M1AP: variants seen among roughly 807,000 people sequenced by gnomAD.
M1AP encodes the protein meiosis 1 arrest protein.
Under a neutral mutation model 51.2 loss-of-function variants are expected in M1AP, and 39 were observed. That is an observed-to-expected ratio of 0.76 (90% CI 0.59 to 1.00). The LOEUF is 1.00. Among genes scored for constraint, M1AP ranks in the 50% least tolerant of loss-of-function variants. The pLI, the probability that M1AP is intolerant of heterozygous loss-of-function variation, is 0.00. For synonymous variants in M1AP, 251 were observed against 249.2 expected, an observed-to-expected ratio of 1.01 and a Z score of -0.07; for missense variants, 545 against 641.2, an observed-to-expected ratio of 0.85 and a Z score of 1.62.
intron 8 of M1AP, among the ~76,000 whole-genome samples, chr2:74,561,401 G>A (rs1188055341): frequency 2.6e-5 from 4 of 151,964 alleles, no homozygotes; most frequent in Admixed American, 6.6e-5. Flanking sequence ...ATAAATGAGC[G>A]CAAACACAGG....
intron 1 of M1AP, among the ~76,000 whole-genome samples, chr2:74,641,923 G>A (rs1249038968): frequency 6.6e-6 from 1 of 150,790 alleles, no homozygotes; most frequent in African/African-American, 2.4e-5. Context: ...TTGGCTCGCT[G>A]CAACCTCCGC....
Position 74,640,186 on chromosome 2 carries a change from A to C in M1AP, c.90T>G (p.Ala30=), listed in dbSNP as rs780848442. Residue 30 remains alanine, a synonymous_variant, in exon 2 of 11, where the codon GCT becomes GCG. Transcript: ENST00000421985. ...QPPRLLIVHI[A]LPSWADICTN... ...TGCAGATGTCAGCCCAGGACGGTAG[A>C]GCAATGTGCACAATGAGAAGCCGTG... is the stretch of plus-strand genomic sequence containing the variant. 2 of 1,614,140 alleles carry C rather than the reference A, an allele frequency of 1.2e-6. No individual in the cohort carries two copies. Among genetic ancestry groups the C allele is most frequent in the East Asian group, 2.2e-5 (1 of 44,874 alleles).
At chr2:74,569,528 C>T (rs533266523) in intron 7 of M1AP, among the ~76,000 whole-genome samples, 5 of 152,088 alleles carry the variant, frequency 3.3e-5, no homozygotes, top group Admixed American at 1.3e-4. Flanking sequence ...GCATGTGCCA[C>T]CACCCCCAGC....
intron 3 of M1AP, among the ~76,000 whole-genome samples, chr2:74,608,302 G>C (rs953466857): frequency 6.6e-6 from 1 of 151,974 alleles, no homozygotes; most frequent in Non-Finnish European, 1.5e-5. Flanking sequence ...CCATAGTTTT[G>C]CCTTTTCCAG....
chr2:74,564,490 T>C (rs541717730), intron 7 of M1AP, among the ~76,000 whole-genome samples: 15 of 152,286 alleles, frequency 9.8e-5, no homozygotes, highest in African/African-American at 3.4e-4. Flanking sequence ...ATGGGAAAAT[T>C]AGTCATAATC....
At chr2:74,582,995 T>C (rs1679503301) in intron 4 of M1AP, among the ~76,000 whole-genome samples, 1 of 151,998 alleles carries the variant, frequency 6.6e-6, no homozygotes, top group East Asian at 1.9e-4. Flanking sequence ...CATTCCAGCC[T>C]GGGCAACTCC....
At chr2:74,603,382 C>T (rs954113089) in intron 4 of M1AP, among the ~76,000 whole-genome samples, 1 of 152,154 alleles carries the variant, frequency 6.6e-6, no homozygotes, top group Non-Finnish European at 1.5e-5. Context: ...CGAGAAGACA[C>T]AATTATTGCA....
rs781120910 is a variant in M1AP, at chr2:74,562,223, A to G, written c.1275T>C (p.Asn425=). The change falls in exon 8 of 11, where the codon AAT becomes AAC. Residue 425 remains asparagine, a synonymous_variant. Coordinates refer to ENST00000421985, the MANE Select transcript of M1AP (RefSeq NM_001321739.2). ...PEDPHDDSLK[N]VESMLDSLEL... ...AGATCTGGGCTCCACTTGCCTCCACATTCTTAAGGCTATCATCATGTGGGT... is the reference window on the plus strand; with the variant it reads ...AGATCTGGGCTCCACTTGCCTCCACGTTCTTAAGGCTATCATCATGTGGGT... The G allele has an allele frequency of 5.7e-5, 92 of 1,607,972 alleles. No individual in the cohort carries two copies. The highest frequency in any genetic ancestry group is 7.5e-5 in the Non-Finnish European group (88 of 1,175,772).
chr2:74,611,896 T>TTTG (rs1681383509), intron 3 of M1AP, among the ~76,000 whole-genome samples: 1 of 83,030 alleles, frequency 1.2e-5, no homozygotes, highest in Non-Finnish European at 2.5e-5. Context: ...TTTTTTTTTT[T>TTTG]TTTTTTTTTT....
chr2:74,598,621 C>CTTT (rs534856535), intron 4 of M1AP, among the ~76,000 whole-genome samples: 6 of 114,396 alleles, frequency 5.2e-5, no homozygotes, highest in Non-Finnish European at 1.0e-4. Flanking sequence ...TGTATATCAA[C>CTTT]TTTTTTTTTT....
intron 1 of M1AP, among the ~76,000 whole-genome samples, chr2:74,646,111 A>G (rs1186913004): frequency 1.3e-5 from 2 of 152,206 alleles, no homozygotes; most frequent in Non-Finnish European, 1.5e-5. Flanking sequence ...ATCAGTAATT[A>G]ATTATATCAC....
intron 2 of M1AP, among the ~76,000 whole-genome samples, chr2:74,634,334 G>A (rs1205488196): frequency 6.6e-6 from 1 of 152,176 alleles, no homozygotes. Flanking sequence ...TGAGGATTGA[G>A]CTCCCTCTCA....
At chr2:74,572,240 C>T (rs1209993787) in intron 7 of M1AP, among the ~76,000 whole-genome samples, 1 of 152,184 alleles carries the variant, frequency 6.6e-6, no homozygotes, top group Non-Finnish European at 1.5e-5. Context: ...TATCTGGCTA[C>T]ATCCAGAGTA....
chr2:74,587,221 C>T (rs927121487), intron 4 of M1AP, among the ~76,000 whole-genome samples: 37 of 149,674 alleles, frequency 2.5e-4, no homozygotes, highest in Non-Finnish European at 4.3e-4. Context: ...TCTTTTGAGA[C>T]GGAGTCTCGC....
chr2:74,581,243 C>T (rs559652742), intron 5 of M1AP, among the ~76,000 whole-genome samples: 7 of 152,256 alleles, frequency 4.6e-5, no homozygotes, highest in African/African-American at 1.4e-4. Flanking sequence ...GCCTCCCTAG[C>T]GAGAAGATCT....
chr2:74,561,959 A>G, intron 8 of M1AP: 2 of 985,162 alleles, frequency 2.0e-6, no homozygotes, highest in Non-Finnish European at 2.4e-6. Flanking sequence ...TGATGCCAAT[A>G]TCCCTTTTCT....
chr2:74,591,524 G>A (rs1333650880), intron 4 of M1AP, among the ~76,000 whole-genome samples: 3 of 152,184 alleles, frequency 2.0e-5, no homozygotes, highest in African/African-American at 7.2e-5. Flanking sequence ...TGTGGTGGGG[G>A]AGGGAGCAGG....
chr2:74,613,054 C>T (rs1475985073), intron 3 of M1AP, among the ~76,000 whole-genome samples: 1 of 152,108 alleles, frequency 6.6e-6, no homozygotes, highest in Non-Finnish European at 1.5e-5. Flanking sequence ...CTTTCTTCAG[C>T]CATAGGTCTA....
intron 4 of M1AP, among the ~76,000 whole-genome samples, chr2:74,587,259 C>T (rs1046837610): frequency 2.0e-5 from 3 of 151,078 alleles, no homozygotes; most frequent in Non-Finnish European, 2.9e-5. Context: ...AGTGCAGTGG[C>T]GCGATCTCGG....
Sources: allele counts gnomAD v4.1 joint callset (sites outside exome capture counted in the v4.1 genomes callset), GRCh38; gene constraint gnomAD v4.1.1; transcripts MANE v1.5; gene names NCBI Gene and HGNC (gene_info 2026-07-23, HGNC 2026-07-21).